Variants in TMEM132B observed in about 807,000 individuals in gnomAD.
The protein encoded by TMEM132B is transmembrane protein 132B.
In TMEM132B, 18 loss-of-function variants were observed where a neutral mutation model predicts 90.8. That is an observed-to-expected ratio of 0.20 (90% confidence interval 0.14 to 0.29). The LOEUF is 0.29. Ranked by LOEUF, TMEM132B falls within the 10% of genes least tolerant of loss-of-function variation. The pLI, the probability that TMEM132B is intolerant of heterozygous loss-of-function variation, is 1.00. For synonymous variants in TMEM132B, 504 were observed against 523.3 expected, an observed-to-expected ratio of 0.96 and a Z score of 0.50; for missense variants, 1,096 against 1,326.8, an observed-to-expected ratio of 0.83 and a Z score of 2.70.
intron 1 of TMEM132B, among the ~76,000 whole-genome samples, chr12:125,254,555 C>T (rs931953546): frequency 8.5e-5 from 13 of 152,138 alleles, no homozygotes; most frequent in African/African-American, 1.2e-4. Flanking sequence ...ATCACCTACA[C>T]AAAGACCCTG....
rs534860568 is a variant in TMEM132B at position 125,660,055 on chromosome 12, C to G, written c.*5345C>G. On this transcript the variant is annotated 3_prime_UTR_variant, in exon 9 of 9. Transcript: ENST00000682704. ...CCTGAAGTCAGGAGTTTGAGACCAG[C>G]CTGGGCAACATGGTGAAACCCTGTC... The G allele has an allele frequency of 5.7e-4, 87 of 152,714 alleles. No individual in the cohort carries two copies. Among genetic ancestry groups the G allele is most frequent in the African/African-American group, 2.0e-3 (83 of 41,598 alleles). The allele number at this position is 152,714 out of a possible 1,614,324, so 9.5% of individuals were successfully genotyped here.
At chr12:125,614,921 A>C (rs971535334) in intron 5 of TMEM132B, among the ~76,000 whole-genome samples, 2 of 152,104 alleles carry the variant, frequency 1.3e-5, no homozygotes, top group Non-Finnish European at 2.9e-5. Context: ...ATTTCCCCTC[A>C]TTTTTGAAAG....
At chr12:125,463,146 C>T (rs560582870) in intron 3 of TMEM132B, among the ~76,000 whole-genome samples, 1 of 152,194 alleles carries the variant, frequency 6.6e-6, no homozygotes, top group Non-Finnish European at 1.5e-5. Context: ...AGCGTCCACT[C>T]GATACTTCTG....
intron 4 of TMEM132B, among the ~76,000 whole-genome samples, chr12:125,536,510 A>G (rs1032897763): frequency 2.0e-5 from 3 of 152,228 alleles, no homozygotes; most frequent in African/African-American, 7.2e-5. Flanking sequence ...ATTCAGGTGC[A>G]TCTCATCTGT....
intron 4 of TMEM132B, among the ~76,000 whole-genome samples, chr12:125,566,313 T>C (rs1884656465): frequency 1.3e-5 from 2 of 152,232 alleles, no homozygotes; most frequent in Admixed American, 6.5e-5. Flanking sequence ...AAATGAGGTC[T>C]AATTTCTTAT....
chr12:125,224,362 G>A (rs901275950), intron 1 of TMEM132B, among the ~76,000 whole-genome samples: 5 of 152,322 alleles, frequency 3.3e-5, no homozygotes, highest in African/African-American at 1.2e-4. Flanking sequence ...CTAGGTTAAA[G>A]TCATGTCTTT....
At chr12:125,414,940 C>T (rs1234966543) in intron 2 of TMEM132B, among the ~76,000 whole-genome samples, 1 of 152,208 alleles carries the variant, frequency 6.6e-6, no homozygotes, top group Non-Finnish European at 1.5e-5. Flanking sequence ...ACACCTGGGT[C>T]CTTGATTCTT....
chr12:125,231,896 C>G (rs1873834164), intron 1 of TMEM132B, among the ~76,000 whole-genome samples: 1 of 151,828 alleles, frequency 6.6e-6, no homozygotes, highest in African/African-American at 2.4e-5. Flanking sequence ...CCCCCCCCAC[C>G]AAAACTCAGT....
intron 3 of TMEM132B, among the ~76,000 whole-genome samples, chr12:125,437,514 T>G (rs1442511966): frequency 2.0e-5 from 3 of 152,126 alleles, no homozygotes; most frequent in African/African-American, 7.2e-5. Context: ...TGCCAAACTG[T>G]TTTTCACAGT....
intron 6 of TMEM132B, among the ~76,000 whole-genome samples, chr12:125,647,515 C>T (rs189175033): frequency 1.2e-4 from 19 of 152,288 alleles, no homozygotes; most frequent in Admixed American, 3.9e-4. Context: ...CCTGAAACCA[C>T]GGAGGCCAGA....
chr12:125,192,660 A>G (rs1872826151), intron 1 of TMEM132B, among the ~76,000 whole-genome samples: 1 of 152,162 alleles, frequency 6.6e-6, no homozygotes, highest in Non-Finnish European at 1.5e-5. Flanking sequence ...TGTCCCTTCT[A>G]AAGTCCACCT....
chr12:125,238,210 G>GT (rs1873978961), intron 1 of TMEM132B, among the ~76,000 whole-genome samples: 2 of 151,688 alleles, frequency 1.3e-5, no homozygotes, highest in South Asian at 4.2e-4. Flanking sequence ...GGTCGCCTCT[G>GT]TTTGTCAAAA....
chr12:125,214,767 G>A (rs1341967290), intron 1 of TMEM132B, among the ~76,000 whole-genome samples: 2 of 152,182 alleles, frequency 1.3e-5, no homozygotes, highest in Non-Finnish European at 2.9e-5. Flanking sequence ...GCCCTTTTCT[G>A]TTCCCCGGAA....
chr12:125,309,512 C>G (rs1876073897), intron 1 of TMEM132B, among the ~76,000 whole-genome samples: 1 of 152,084 alleles, frequency 6.6e-6, no homozygotes, highest in Non-Finnish European at 1.5e-5. Flanking sequence ...GTGCCAGGCT[C>G]TGTCCTAGGC....
rs974438156 is a variant in TMEM132B at position 125,408,496 on chromosome 12, C to A, written c.960-7035C>A. On this transcript the variant is annotated intron_variant, in intron 2 of 8. Coordinates refer to ENST00000682704, the MANE Select transcript of TMEM132B (RefSeq NM_001366854.1). This position sits in a 1 kb window ranked among gnomAD's most constrained non-coding sequence, Gnocchi z 5.9. ...CATCTATAAAAAAGCAAGCTCTCAC[C>A]CGGCACTGAAACTGCTGACATCTTG... Among the ~76,000 whole-genome samples, 1 of 152,200 alleles carries A rather than the reference C, an allele frequency of 6.6e-6. No homozygotes were observed. The highest frequency in any genetic ancestry group is 1.5e-5 in the Non-Finnish European group (1 of 68,030).
chr12:125,331,689 C>T (rs1876778364), intron 1 of TMEM132B, among the ~76,000 whole-genome samples: 1 of 152,170 alleles, frequency 6.6e-6, no homozygotes, highest in Admixed American at 6.5e-5. Context: ...TGACCTTAGG[C>T]AAGTTTTTTG....
rs181148110 is a variant in TMEM132B at position 125,311,187 on chromosome 12, C to T, written c.68-38265C>T. On this transcript the variant is annotated intron_variant, in intron 1 of 8. Transcript: ENST00000682704. ...AGGGAGATTCTTTCTTACGGATGCT[C>T]CTGGCTCACTGGCACTCAACCCGTT... Among the ~76,000 whole-genome samples, 269 of 152,240 alleles carry T rather than the reference C, an allele frequency of 1.8e-3. 1 individual carries two copies. The highest frequency in any genetic ancestry group is 6.0e-3 in the African/African-American group (249 of 41,540).
rs74762963 is a variant in TMEM132B, at chr12:125,620,082, A to C, written c.1438-23994A>C. On this transcript the variant is annotated intron_variant, in intron 5 of 8. Coordinates refer to ENST00000682704, the MANE Select transcript of TMEM132B (RefSeq NM_001366854.1). ...TCTTCAAATGAGATTTATAAATCAT[A>C]GTTGCGATGTGTCAGCAGAGCCTTT... 6.2e-3 allele frequency among the ~76,000 whole-genome samples: 944 copies of C among 152,314 alleles called. 8 individuals carry two copies. The highest frequency in any genetic ancestry group is 0.011 in the Non-Finnish European group (779 of 68,024).
intron 5 of TMEM132B, among the ~76,000 whole-genome samples, chr12:125,614,114 C>T (rs1465118448): frequency 6.6e-6 from 1 of 152,124 alleles, no homozygotes; most frequent in African/African-American, 2.4e-5. Flanking sequence ...ATTTCTTTTA[C>T]TGGTACTCTT....
Sources: allele counts gnomAD v4.1 joint callset (sites outside exome capture counted in the v4.1 genomes callset), GRCh38; gene constraint gnomAD v4.1.1; non-coding constraint Gnocchi (gnomAD v3.1); transcripts MANE v1.5; gene names NCBI Gene and HGNC (gene_info 2026-07-23, HGNC 2026-07-21).